The following CNTNAP5 variants were observed in gnomAD, a reference collection of about 807,000 sequenced individuals.
CNTNAP5 encodes the protein contactin associated protein family member 5.
In CNTNAP5, 72 loss-of-function variants were observed where a neutral mutation model predicts 150.2. The observed-to-expected ratio is 0.48, with a 90% CI of 0.40 to 0.58. The LOEUF (loss-of-function observed/expected upper bound fraction) is 0.58. CNTNAP5 is among the 20% of genes least tolerant of loss of function. CNTNAP5 has a pLI of 0.00. For synonymous variants in CNTNAP5, 672 were observed against 619.8 expected (o/e 1.08, Z -1.25); for missense variants, 1,636 against 1,626.2 (o/e 1.01, Z -0.10).
At chr2:124,512,125 G>A (rs1409706806) in intron 8 of CNTNAP5, among the ~76,000 whole-genome samples, 1 of 151,804 alleles carries the variant, frequency 6.6e-6, no homozygotes, top group Non-Finnish European at 1.5e-5. Flanking sequence ...TTGGCTGTGG[G>A]ACCGGCTTTC....
intron 19 of CNTNAP5, among the ~76,000 whole-genome samples, chr2:124,841,782 G>A (rs1363832073): frequency 2.0e-5 from 3 of 152,100 alleles, no homozygotes; most frequent in Admixed American, 6.6e-5. Flanking sequence ...CTTCCCAGCT[G>A]AGCCCTGCAC....
At chr2:124,576,457 A>C (rs577922088) in intron 11 of CNTNAP5, among the ~76,000 whole-genome samples, 1 of 152,314 alleles carries the variant, frequency 6.6e-6, no homozygotes, top group South Asian at 2.1e-4. Context: ...TCAATGGAAT[A>C]ACTGTTACAT....
At chr2:124,856,114 A>G (rs563810435) in intron 19 of CNTNAP5, among the ~76,000 whole-genome samples, 23 of 141,324 alleles carry the variant, frequency 1.6e-4, no homozygotes, top group South Asian at 4.5e-4. Flanking sequence ...GTGTGTGTGT[A>G]TAAAAAAATA....
chr2:124,367,886 G>T (rs1316335225), intron 3 of CNTNAP5, among the ~76,000 whole-genome samples: 2 of 152,026 alleles, frequency 1.3e-5, no homozygotes, highest in African/African-American at 4.8e-5. Flanking sequence ...GGTAATTTCT[G>T]AATGTACTTG....
At chr2:124,423,731 C>T (rs1259639281) in intron 4 of CNTNAP5, among the ~76,000 whole-genome samples, 4 of 118,774 alleles carry the variant, frequency 3.4e-5, no homozygotes, top group South Asian at 3.1e-4. Flanking sequence ...GTGGCGCAAT[C>T]GCGGCTCACT....
At chr2:124,577,167 C>A (rs2104945013) in intron 11 of CNTNAP5, among the ~76,000 whole-genome samples, 1 of 152,232 alleles carries the variant, frequency 6.6e-6, no homozygotes, top group South Asian at 2.1e-4. Flanking sequence ...TATGGACTTG[C>A]CATTTTTTCC....
chr2:124,118,316 C>T (rs985193154), intron 1 of CNTNAP5, among the ~76,000 whole-genome samples: 3 of 152,136 alleles, frequency 2.0e-5, no homozygotes, highest in African/African-American at 7.2e-5. Flanking sequence ...AGCCACAGCA[C>T]CCACCTTGGA....
At chr2:124,063,855 G>A (rs1682080464) in intron 1 of CNTNAP5, among the ~76,000 whole-genome samples, 2 of 152,132 alleles carry the variant, frequency 1.3e-5, no homozygotes, top group Admixed American at 1.3e-4. Context: ...AGGCAGCATA[G>A]TATGTCCATT....
At chr2:124,212,829 C>CT (rs66534077) in intron 1 of CNTNAP5, among the ~76,000 whole-genome samples, 10,268 of 62,950 alleles carry the variant, frequency 0.16, 2,377 homozygotes, top group Non-Finnish European at 0.2. Context: ...GTAGATAAAT[C>CT]TTTTTTTTTT....
Position 124,082,487 on chromosome 2 carries a change from CTTAT to C in CNTNAP5, c.82+56758_82+56761del, listed in dbSNP as rs540265028. On this transcript the variant is annotated intron_variant, in intron 1 of 23. Transcript: ENST00000682447. ...TTATTTTTCTTTTCTTTCCCATTTACTTATTTCTTTTCCTTGCTGAGTAGTTTTC... is the reference window on the plus strand; with the variant it reads ...TTATTTTTCTTTTCTTTCCCATTTACTTCTTTTCCTTGCTGAGTAGTTTTC... Among the ~76,000 whole-genome samples the C allele has an allele frequency of 3.2e-3, 482 of 151,530 alleles. 1 individual carries two copies. Among genetic ancestry groups the C allele is most frequent in the Admixed American group, 7.5e-3 (114 of 15,232 alleles).
chr2:124,286,890 T>C lies in CNTNAP5; in HGVS notation c.381+44497T>C, dbSNP rs185522822. On this transcript the variant is annotated intron_variant, in intron 3 of 23. Transcript: ENST00000682447. ...TCTGTTAGCTGAGTAGAATAGGGGG[T>C]GGCATGTAAAGAAGTCGAGGTCACA... 2.0e-5 allele frequency among the ~76,000 whole-genome samples: 3 copies of C among 152,100 alleles called. No individual in the cohort carries two copies. In the East Asian group the frequency reaches 5.8e-4, roughly 29 times the overall value.
chr2:124,381,988 C>A (rs1246216791), intron 3 of CNTNAP5, among the ~76,000 whole-genome samples: 7 of 152,104 alleles, frequency 4.6e-5, no homozygotes, highest in African/African-American at 1.7e-4. Context: ...GCAGGAGCAA[C>A]AAGGGGAAGT....
At chr2:124,252,743 T>C (rs769723213) in intron 3 of CNTNAP5, among the ~76,000 whole-genome samples, 88 of 152,150 alleles carry the variant, frequency 5.8e-4, no homozygotes, top group Non-Finnish European at 1.1e-3. Flanking sequence ...AAAAGCAAAA[T>C]CTTTCTTTTT....
chr2:124,890,085 C>A (rs1459897593), intron 21 of CNTNAP5, among the ~76,000 whole-genome samples: 1 of 151,878 alleles, frequency 6.6e-6, no homozygotes, highest in Non-Finnish European at 1.5e-5. Flanking sequence ...TTATTTTTAT[C>A]CTGATTTGAG....
chr2:124,708,340 G>T (rs993934805), intron 13 of CNTNAP5, among the ~76,000 whole-genome samples: 1 of 152,194 alleles, frequency 6.6e-6, no homozygotes, highest in Non-Finnish European at 1.5e-5. Context: ...CAGTGGAAGA[G>T]AAGTGCCCAG....
intron 3 of CNTNAP5, among the ~76,000 whole-genome samples, chr2:124,267,681 T>C (rs993977709): frequency 4.6e-5 from 7 of 152,188 alleles, no homozygotes; most frequent in African/African-American, 1.4e-4. Context: ...TTGCATTGTT[T>C]ATACAGCATA....
intron 3 of CNTNAP5, among the ~76,000 whole-genome samples, chr2:124,297,846 ATTATTATT>A (rs1412983173): frequency 1.4e-5 from 2 of 144,882 alleles, no homozygotes; most frequent in Non-Finnish European, 3.0e-5. Flanking sequence ...TATTATTATT[ATTATTATT>A]ATTATTTTGA....
chr2:124,295,126 CACCA>C (rs999815933), intron 3 of CNTNAP5, among the ~76,000 whole-genome samples: 2 of 84,596 alleles, frequency 2.4e-5, no homozygotes, highest in African/African-American at 4.8e-5. Context: ...CAACAACCAC[CACCA>C]AACAAACAAA....
chr2:124,497,608 T>A (rs1377203559), intron 7 of CNTNAP5, among the ~76,000 whole-genome samples: 1 of 152,190 alleles, frequency 6.6e-6, no homozygotes, highest in African/African-American at 2.4e-5. Context: ...TGAAGCCATT[T>A]GTTAAGAATG....
Sources: gnomAD v4.1 joint callset for allele counts (sites outside exome capture counted in the v4.1 genomes callset) on GRCh38, gnomAD v4.1.1 for gene constraint, MANE v1.5 for transcripts, NCBI Gene and HGNC (gene_info 2026-07-23, HGNC 2026-07-21) for gene names.